RELN: variants seen among roughly 807,000 people sequenced by gnomAD.
RELN encodes reelin.
A neutral mutation model predicts 427.6 loss-of-function variants in RELN; 108 were observed. The ratio of observed to expected loss-of-function variants is 0.25; its 90% CI spans 0.22 to 0.30. The LOEUF (loss-of-function observed/expected upper bound fraction) is 0.30. Among genes scored for constraint, RELN ranks in the 10% least tolerant of loss-of-function variants. The pLI is 1.00. For missense variants in RELN, 3,715 were observed against 4,302.8 expected (o/e 0.86, Z 3.82); for synonymous variants, 1,524 against 1,513.4 (o/e 1.01, Z -0.16).
chr7:103,555,936 C>A (rs1230164761), intron 38 of RELN, among the ~76,000 whole-genome samples: 1 of 152,108 alleles, frequency 6.6e-6, no homozygotes, highest in Non-Finnish European at 1.5e-5. Flanking sequence ...TTTTGTGTTG[C>A]CTCTGCAAAG....
intron 1 of RELN, among the ~76,000 whole-genome samples, chr7:103,969,875 C>T (rs181871233): frequency 8.5e-5 from 13 of 152,236 alleles, no homozygotes; most frequent in Admixed American, 7.2e-4. Context: ...AGGGACTTAA[C>T]GAAGTTGAGT....
intron 3 of RELN, among the ~76,000 whole-genome samples, chr7:103,802,782 G>T (rs764833148): frequency 1.3e-5 from 2 of 152,008 alleles, no homozygotes; most frequent in Non-Finnish European, 2.9e-5. Flanking sequence ...TCCAAGAAGG[G>T]ATTTAAAAAG....
chr7:103,684,683 G>A (rs762004856), intron 10 of RELN, among the ~76,000 whole-genome samples: 2 of 151,990 alleles, frequency 1.3e-5, no homozygotes, highest in Non-Finnish European at 2.9e-5. Context: ...TCTACGCCTC[G>A]GTTTCTCAGG....
Position 103,989,135 on chromosome 7 carries a change from G to A in RELN, c.222C>T (p.Tyr74=), listed in dbSNP as rs745549810. The change falls in exon 1 of 65, where the codon TAC becomes TAT. Residue 74 remains tyrosine, a synonymous_variant. Transcript: ENST00000428762. The surrounding 1 kb of genome is among the most constrained non-coding windows in gnomAD (Gnocchi z 4.9). The stretch of plus-strand genomic sequence containing the variant: ...CGGAGGTGCTGCGGTACCTACCATG[G>A]TATTCTTGTCCCGGAACGTAGTAGG... ...NPTYYVPGQE[Y]HVTISTSTFF... 6.2e-7 allele frequency: 1 copy of A among 1,613,726 alleles called. No homozygotes were observed. The highest frequency in any genetic ancestry group is 8.5e-7 in the Non-Finnish European group (1 of 1,179,796).
intron 4 of RELN, among the ~76,000 whole-genome samples, chr7:103,760,426 C>T (rs1615525): frequency 0.052 from 7,898 of 151,898 alleles, 406 homozygotes; most frequent in African/African-American, 0.13. Flanking sequence ...TTTTTTCTTT[C>T]AACTGACTTA....
chr7:103,690,444 CAT>C (rs2115740310), intron 10 of RELN, among the ~76,000 whole-genome samples: 1 of 152,124 alleles, frequency 6.6e-6, no homozygotes, highest in East Asian at 1.9e-4. Flanking sequence ...TCCACAACCA[CAT>C]GACAGAGGCC....
intron 53 of RELN, among the ~76,000 whole-genome samples, chr7:103,500,487 AAAAG>A (rs1294488930): frequency 1.3e-5 from 2 of 152,228 alleles, no homozygotes; most frequent in Non-Finnish European, 2.9e-5. Context: ...TAAGAAAAAA[AAAAG>A]AAACCCAGAG....
At chr7:103,632,884 C>A (rs1832502218) in intron 19 of RELN, among the ~76,000 whole-genome samples, 1 of 151,810 alleles carries the variant, frequency 6.6e-6, no homozygotes, top group African/African-American at 2.4e-5. Flanking sequence ...ATATAATAAT[C>A]AAGACATAAA....
chr7:103,908,228 A>G (rs1277742519), intron 2 of RELN, among the ~76,000 whole-genome samples: 1 of 152,138 alleles, frequency 6.6e-6, no homozygotes, highest in Non-Finnish European at 1.5e-5. Context: ...GCTCCCCAAA[A>G]TTAAAGTGAA....
intron 9 of RELN, among the ~76,000 whole-genome samples, chr7:103,700,489 G>A (rs1013746461): frequency 3.3e-5 from 5 of 152,248 alleles, no homozygotes; most frequent in Middle Eastern, 3.4e-3. Flanking sequence ...GAGATTAGAT[G>A]TAAAAGGCCC....
At chr7:103,541,294 G>A (rs1027342304) in intron 43 of RELN, among the ~76,000 whole-genome samples, 1 of 152,188 alleles carries the variant, frequency 6.6e-6, no homozygotes, top group East Asian at 1.9e-4. Flanking sequence ...GTCTGGCCAC[G>A]ATGCTAGCTG....
In RELN at chr7:103,553,680, T is replaced by C. The variant is rs755847158; in HGVS notation, c.5949A>G (p.Pro1983=). 20 of 1,614,142 alleles carry C rather than the reference T, an allele frequency of 1.2e-5. No individual in the cohort carries two copies. The highest frequency in any genetic ancestry group is 6.6e-5 in the South Asian group (6 of 91,080). The change falls in exon 39 of 65, where the codon CCA becomes CCG. Residue 1983 remains proline, a synonymous_variant. Coordinates refer to ENST00000428762, the MANE Select transcript of RELN (RefSeq NM_005045.4). ...CTTACGGTGCCCCCTTTGAAGAATA[T>C]GGACAATAAAGACCGATGTTACCAC... ...YPGGNIGLYC[P]YSSKGAPEED...
At position 103,698,082 on chromosome 7, in the gene RELN, T is replaced by C. The variant is rs150372878; in HGVS notation, c.914A>G (p.Asn305Ser). The change falls in exon 10 of 65, where the codon AAT (asparagine) becomes AGT (serine). Residue 305 changes from asparagine (N) to serine (S), a missense_variant. Transcript: ENST00000428762. ...IQLEKIRAPS[N>S]VSTIIHILYL... ...GAGGATATGGATGATTGTGCTGACA[T>C]TGGAAGGGGCTCTGGAACATACAGA... 1.3e-5 allele frequency: 21 copies of C among 1,613,712 alleles called. No homozygotes were observed. The highest frequency in any genetic ancestry group is 8.0e-5 in the African/African-American group (6 of 75,002).
At chr7:103,962,037 ATTTC>A (rs1222614329) in intron 1 of RELN, among the ~76,000 whole-genome samples, 2 of 152,026 alleles carry the variant, frequency 1.3e-5, no homozygotes. Flanking sequence ...GAAAGACTGT[ATTTC>A]TTTTTCTTTT....
chr7:103,861,710 T>A, intron 2 of RELN, among the ~76,000 whole-genome samples: 1 of 152,168 alleles, frequency 6.6e-6, no homozygotes. Flanking sequence ...TCATAGAATG[T>A]CACTGTTGAC....
At chr7:103,837,683 C>T (rs1472241824) in intron 2 of RELN, among the ~76,000 whole-genome samples, 4 of 152,076 alleles carry the variant, frequency 2.6e-5, no homozygotes, top group African/African-American at 9.7e-5. Flanking sequence ...TCTCACTGCC[C>T]ACTCGCTGCC....
chr7:103,873,107 T>A (rs1053274508), intron 2 of RELN, among the ~76,000 whole-genome samples: 2 of 151,390 alleles, frequency 1.3e-5, no homozygotes. Context: ...GAATGACTAC[T>A]GGGTACATAA....
At chr7:103,938,821 G>T (rs1276117910) in intron 1 of RELN, among the ~76,000 whole-genome samples, 1 of 152,078 alleles carries the variant, frequency 6.6e-6, no homozygotes, top group East Asian at 1.9e-4. Context: ...GGGAGTAGAT[G>T]ATTTTTCTCG....
chr7:103,477,620 C>T lies in RELN; in HGVS notation c.10286+769G>A, dbSNP rs78558097. Among the ~76,000 whole-genome samples, 807 of 152,318 alleles carry T rather than the reference C, an allele frequency of 5.3e-3. 7 individuals are homozygous for T. The highest frequency in any genetic ancestry group is 0.018 in the African/African-American group (768 of 41,564). On this transcript the variant is annotated intron_variant, in intron 64 of 64. Coordinates refer to ENST00000428762, the MANE Select transcript of RELN (RefSeq NM_005045.4). ...GGCTATGCATAAATAAGTGCAGACA[C>T]AAACATCTCACACATACTGAAGATT...
Sources: gnomAD v4.1 joint callset for allele counts (sites outside exome capture counted in the v4.1 genomes callset) on GRCh38, gnomAD v4.1.1 for gene constraint, Gnocchi (gnomAD v3.1) non-coding constraint, MANE v1.5 for transcripts, NCBI Gene and HGNC (gene_info 2026-07-23, HGNC 2026-07-21) for gene names.